Variants in STXBP5 observed in about 807,000 individuals in gnomAD.
The protein encoded by STXBP5 is syntaxin binding protein 5.
A neutral mutation model predicts 152.4 loss-of-function variants in STXBP5; 50 were observed. That is an observed-to-expected ratio of 0.33 (90% confidence interval 0.26 to 0.42). The LOEUF (loss-of-function observed/expected upper bound fraction) is 0.42, where lower values mean the gene tolerates loss of function less well. Among genes scored for constraint, STXBP5 ranks in the 10% least tolerant of loss-of-function variants. The pLI is 1.00. For synonymous variants in STXBP5, 492 were observed against 494.7 expected, an observed-to-expected ratio of 0.99 and a Z score of 0.07; for missense variants, 1,167 against 1,388.6, an observed-to-expected ratio of 0.84 and a Z score of 2.54.
rs748477772 is a variant in STXBP5 at position 147,205,927 on chromosome 6, C to T, written c.151-44C>T. On this transcript the variant is annotated intron_variant, in intron 1 of 27. Coordinates refer to ENST00000321680, the MANE Select transcript of STXBP5 (RefSeq NM_001127715.4). ...CTATTGACTTTCTATTTTAAAATTTCGCTTGCTGCCTTGGTTGCTGTGATG... is the reference window on the plus strand; with the variant it reads ...CTATTGACTTTCTATTTTAAAATTTTGCTTGCTGCCTTGGTTGCTGTGATG... 7.4e-6 allele frequency: 11 copies of T among 1,483,966 alleles called. No individual in the cohort carries two copies. The Admixed American group carries it at 1.7e-4, about 24-fold the overall frequency. The allele number at this position is 1,483,966 out of a possible 1,614,324, so 91.9% of individuals were successfully genotyped here.
chr6:147,254,238 A>G (rs958045874), intron 4 of STXBP5, among the ~76,000 whole-genome samples: 3 of 152,254 alleles, frequency 2.0e-5, no homozygotes, highest in Non-Finnish European at 2.9e-5. Flanking sequence ...CTGGATAGCC[A>G]TATGCAGAAA....
In STXBP5 at chr6:147,256,667, A is replaced by G. The variant is rs116366152; in HGVS notation, c.432-3948A>G. On this transcript the variant is annotated intron_variant, in intron 4 of 27. Transcript: ENST00000321680. The stretch of plus-strand genomic sequence containing the variant: ...CAGTTTAGAATGGATTTGACGATCA[A>G]TGATAATGGTTTAAATTAGGCTCAG... 8.1e-3 allele frequency among the ~76,000 whole-genome samples: 1,236 copies of G among 152,326 alleles called. 19 individuals are homozygous for G. Among genetic ancestry groups the G allele is most frequent in the African/African-American group, 0.029 (1,186 of 41,584 alleles).
chr6:147,265,045 T>C (rs912966104), intron 6 of STXBP5, among the ~76,000 whole-genome samples: 42 of 152,118 alleles, frequency 2.8e-4, no homozygotes, highest in Non-Finnish European at 5.4e-4. Flanking sequence ...TTACAGTGTA[T>C]ATCAACCCTT....
intron 4 of STXBP5, among the ~76,000 whole-genome samples, chr6:147,242,651 A>G (rs555615009): frequency 1.3e-5 from 2 of 152,318 alleles, no homozygotes; most frequent in South Asian, 2.1e-4. Context: ...ACAGTATTCA[A>G]TATGTAATAC....
chr6:147,319,306 T>C (rs1782795130), intron 16 of STXBP5, among the ~76,000 whole-genome samples: 1 of 152,124 alleles, frequency 6.6e-6, no homozygotes, highest in African/African-American at 2.4e-5. Flanking sequence ...TATAATTTGA[T>C]TAGCCTGGAA....
At chr6:147,261,105 A>G (rs1234162063) in intron 5 of STXBP5, among the ~76,000 whole-genome samples, 3 of 152,018 alleles carry the variant, frequency 2.0e-5, no homozygotes, top group Non-Finnish European at 2.9e-5. Context: ...ATGACCCACA[A>G]ATGAGTTGCC....
chr6:147,344,239 C>T (rs1784216697), intron 21 of STXBP5, among the ~76,000 whole-genome samples: 1 of 152,216 alleles, frequency 6.6e-6, no homozygotes. Flanking sequence ...TGTATGTGTA[C>T]TTATCCCTCT....
chr6:147,379,551 C>T (rs1394628263), intron 26 of STXBP5, among the ~76,000 whole-genome samples: 3 of 151,952 alleles, frequency 2.0e-5, no homozygotes, highest in Non-Finnish European at 4.4e-5. Flanking sequence ...AATAAAAATC[C>T]TTCCAAAAAT....
At chr6:147,278,487 GT>G (rs1780550799) in intron 8 of STXBP5, among the ~76,000 whole-genome samples, 1 of 152,100 alleles carries the variant, frequency 6.6e-6, no homozygotes, top group African/African-American at 2.4e-5. Flanking sequence ...GAAAATAATA[GT>G]TTTGTGAATG....
chr6:147,363,756 C>T lies in STXBP5; in HGVS notation c.2915+52C>T, dbSNP rs553952513. 4.7e-5 allele frequency: 73 copies of T among 1,544,776 alleles called. No individual in the cohort carries two copies. In the African/African-American group the frequency reaches 7.3e-4, roughly 15 times the overall value. On this transcript the variant is annotated intron_variant, in intron 24 of 27. Transcript: ENST00000321680. The stretch of plus-strand genomic sequence containing the variant: ...CAGATATAGCATTTCCTCCCTCAAA[C>T]TATACTACAGAATTGTTTAAAAGAA...
At chr6:147,205,788 T>A (rs1477687552) in intron 1 of STXBP5, among the ~76,000 whole-genome samples, 183 bp from the exon 2 acceptor site, 1 of 152,238 alleles carries the variant, frequency 6.6e-6, no homozygotes, top group Non-Finnish European at 1.5e-5. Context: ...TTTGTTTGTT[T>A]CAGGTTCTAT....
Position 147,206,466 on chromosome 6 carries a change from T to C in STXBP5, c.248+398T>C, listed in dbSNP as rs766872443. ...CATGGTAGATATTGAACTTATGACC[T>C]ATTCTAATAAATTAGAGATTGGATT... On this transcript the variant is annotated intron_variant, in intron 2 of 27. Transcript: ENST00000321680. Among the ~76,000 whole-genome samples the C allele has an allele frequency of 1.8e-4, 28 of 152,244 alleles. 1 individual carries two copies. Among genetic ancestry groups the C allele is most frequent in the South Asian group, 2.1e-4 (1 of 4,838 alleles).
At chr6:147,293,189 CTA>C (rs967577269) in intron 9 of STXBP5, 13 of 152,248 alleles carry the variant, frequency 8.5e-5, no homozygotes, top group African/African-American at 2.9e-4. Flanking sequence ...AAGTTACACT[CTA>C]TGATGTTCAT....
chr6:147,278,492 G>A (rs570510396), intron 8 of STXBP5, among the ~76,000 whole-genome samples: 2 of 152,208 alleles, frequency 1.3e-5, no homozygotes, highest in South Asian at 4.2e-4. Flanking sequence ...TAATAGTTTT[G>A]TGAATGAAAA....
intron 21 of STXBP5, among the ~76,000 whole-genome samples, chr6:147,343,229 A>G (rs987696161): frequency 6.6e-6 from 1 of 152,118 alleles, no homozygotes; most frequent in African/African-American, 2.4e-5. Flanking sequence ...TATCTCTCCA[A>G]TTCTGAGTTA....
chr6:147,276,539 A>G (rs1184533650), intron 7 of STXBP5, among the ~76,000 whole-genome samples: 2 of 152,120 alleles, frequency 1.3e-5, no homozygotes, highest in African/African-American at 4.8e-5. Flanking sequence ...TTTATACATG[A>G]TACTATTAAG....
At chr6:147,339,493 A>T (rs1263807502) in intron 21 of STXBP5, 109 bp downstream of exon 21, 1 of 804,766 alleles carries the variant, frequency 1.2e-6, no homozygotes, top group African/African-American at 1.8e-5. Context: ...TGTTGTTCCT[A>T]TGCTAAAAAA....
intron 11 of STXBP5, 55 bp downstream of exon 11, chr6:147,311,582 C>A: frequency 3.0e-6 from 4 of 1,346,354 alleles, no homozygotes; most frequent in Non-Finnish European, 4.2e-6. Flanking sequence ...AAAAAAGATG[C>A]CTTTTATCAT....
At chr6:147,263,915 T>G (rs1779762654) in intron 6 of STXBP5, among the ~76,000 whole-genome samples, 1 of 151,944 alleles carries the variant, frequency 6.6e-6, no homozygotes, top group South Asian at 2.1e-4. Context: ...ATATCTCAGC[T>G]CCCCTGAATT....
Sources: gnomAD v4.1 joint callset for allele counts (sites outside exome capture counted in the v4.1 genomes callset) on GRCh38, gnomAD v4.1.1 for gene constraint, MANE v1.5 for transcripts, NCBI Gene and HGNC (gene_info 2026-07-23, HGNC 2026-07-21) for gene names.